Variants in CEP170 observed in about 807,000 individuals in gnomAD.
CEP170 encodes the protein centrosomal protein of 170 kDa.
A neutral mutation model predicts 151.9 loss-of-function variants in CEP170; 21 were observed. That is an observed-to-expected ratio of 0.14 (90% confidence interval 0.10 to 0.20). The LOEUF is 0.20. Ranked by LOEUF, CEP170 falls within the 10% of genes least tolerant of loss-of-function variation. The pLI, the probability that CEP170 is intolerant of heterozygous loss-of-function variation, is 1.00. For synonymous variants in CEP170, 356 were observed against 648.8 expected (o/e 0.55, Z 6.86); for missense variants, 964 against 1,892.9 (o/e 0.51, Z 9.11).
At chr1:243,140,229 A>T (rs2055669809) in intron 15 of CEP170, 122 bp from the exon 16 acceptor site, 4 of 1,385,548 alleles carry the variant, frequency 2.9e-6, no homozygotes, top group Non-Finnish European at 3.8e-6. Flanking sequence ...CAGAGGCACA[A>T]CATCTTCAAT....
intron 16 of CEP170, among the ~76,000 whole-genome samples, chr1:243,136,639 G>T (rs2148254286): frequency 6.6e-6 from 1 of 152,320 alleles, no homozygotes; most frequent in African/African-American, 2.4e-5. Context: ...CAGAAATCAA[G>T]AAGAGTACAA....
chr1:243,163,528 T>C (rs142298533), intron 13 of CEP170, among the ~76,000 whole-genome samples: 3,090 of 152,328 alleles, frequency 0.02, 45 homozygotes, highest in Non-Finnish European at 0.028. Context: ...GGAAAGTAAG[T>C]AGTTTTTGTA....
chr1:243,132,749 G>T (rs2054570540), intron 17 of CEP170, among the ~76,000 whole-genome samples: 1 of 152,170 alleles, frequency 6.6e-6, no homozygotes, highest in Non-Finnish European at 1.5e-5. Flanking sequence ...CTGCTCCGTG[G>T]TAAGGAAGAG....
At chr1:243,131,154 G>GA (rs113985483) in intron 17 of CEP170, among the ~76,000 whole-genome samples, 7 of 148,230 alleles carry the variant, frequency 4.7e-5, no homozygotes, top group African/African-American at 7.4e-5. Flanking sequence ...GGTTGCCCCT[G>GA]AAAAAAAAAT....
chr1:243,145,558 C>G (rs1266488335), intron 14 of CEP170, among the ~76,000 whole-genome samples: 1 of 152,260 alleles, frequency 6.6e-6, no homozygotes, highest in African/African-American at 2.4e-5. Flanking sequence ...CAGGCGTGAG[C>G]CACTACGCCC....
intron 1 of CEP170, among the ~76,000 whole-genome samples, chr1:243,244,002 T>A (rs1393850755): frequency 3.9e-5 from 6 of 152,210 alleles, no homozygotes; most frequent in Non-Finnish European, 8.8e-5. Context: ...GTCTTTTTTT[T>A]AATATAACAG....
At chr1:243,192,674 T>G (rs1406432881) in intron 7 of CEP170, among the ~76,000 whole-genome samples, 1 of 152,236 alleles carries the variant, frequency 6.6e-6, no homozygotes, top group Non-Finnish European at 1.5e-5. Flanking sequence ...AGTGAAGCGT[T>G]TGGTCTTTTG....
chr1:243,240,714 C>CA (rs2064749824), intron 1 of CEP170, among the ~76,000 whole-genome samples: 3 of 150,908 alleles, frequency 2.0e-5, no homozygotes, highest in Admixed American at 2.0e-4. Context: ...ATTTTTGAGA[C>CA]AGAGTTTTTG....
At chr1:243,254,495 C>A (rs2066350196) in intron 1 of CEP170, 2 of 151,406 alleles carry the variant, frequency 1.3e-5, no homozygotes, top group South Asian at 4.3e-4. Context: ...GCCCTCCCAA[C>A]GCGTCCAAAA....
chr1:243,124,616 A>G lies in CEP170; in HGVS notation c.*1833T>C, dbSNP rs1403287840. ...AACACTTAAACAAGAATGTAAGCAG[A>G]GTAGATTCTAGTATTTTCCTAAACT... On this transcript the variant is annotated 3_prime_UTR_variant, in exon 20 of 20. Coordinates refer to ENST00000366542, the MANE Select transcript of CEP170 (RefSeq NM_014812.3). 6.6e-6 allele frequency: 1 copy of G among 152,572 alleles called. No individual in the cohort carries two copies. The highest frequency in any genetic ancestry group is 1.5e-5 in the Non-Finnish European group (1 of 67,984). 9.5% of individuals were successfully genotyped at this position (152,572 alleles called of 1,614,324 possible).
chr1:243,224,514 G>T (rs993683359), intron 2 of CEP170, among the ~76,000 whole-genome samples: 3 of 151,830 alleles, frequency 2.0e-5, no homozygotes, highest in Non-Finnish European at 4.4e-5. Flanking sequence ...ATGAATTTGT[G>T]CTGGGCCGCA....
intron 17 of CEP170, among the ~76,000 whole-genome samples, chr1:243,133,667 T>C (rs2054689711): frequency 6.6e-6 from 1 of 152,150 alleles, no homozygotes; most frequent in African/African-American, 2.4e-5. Flanking sequence ...CAGGGAATGG[T>C]GGACTTCATT....
intron 12 of CEP170, among the ~76,000 whole-genome samples, chr1:243,166,942 A>G (rs185782906): frequency 6.6e-6 from 1 of 152,242 alleles, no homozygotes; most frequent in Non-Finnish European, 1.5e-5. Context: ...GTTATTAACT[A>G]TAGTCATAAT....
chr1:243,168,704 C>T (rs1456322061), intron 12 of CEP170, among the ~76,000 whole-genome samples: 1 of 151,480 alleles, frequency 6.6e-6, no homozygotes, highest in African/African-American at 2.4e-5. Context: ...ACCTTTTGAC[C>T]ATCATCTCCT....
intron 16 of CEP170, among the ~76,000 whole-genome samples, chr1:243,137,276 G>A (rs1414544615): frequency 2.0e-5 from 3 of 152,220 alleles, no homozygotes; most frequent in Non-Finnish European, 4.4e-5. Context: ...CTAGCTGTGG[G>A]TTTCAAAATG....
At chr1:243,152,576 G>C (rs1270849320) in intron 14 of CEP170, among the ~76,000 whole-genome samples, 3 of 110,888 alleles carry the variant, frequency 2.7e-5, no homozygotes, top group Non-Finnish European at 5.1e-5. Flanking sequence ...CTGTCACCCA[G>C]GCTGGAGTGC....
intron 10 of CEP170, among the ~76,000 whole-genome samples, chr1:243,173,209 C>T (rs1385009552): frequency 3.3e-5 from 5 of 151,396 alleles, no homozygotes; most frequent in Admixed American, 1.3e-4. Context: ...TACAGGCATG[C>T]GCAACCATGC....
chr1:243,126,685 C>G lies in CEP170; in HGVS notation c.4519G>C (p.Gly1507Arg). 3 of 1,543,828 alleles carry G rather than the reference C, an allele frequency of 1.9e-6. No homozygotes were observed. Among genetic ancestry groups the G allele is most frequent in the Non-Finnish European group, 2.6e-6 (3 of 1,141,634 alleles). ...GATGGCAACATAGCACTGGGAAATC[C>G]CATGTTGTTCAGAGCCTCCAAAGTT... is the stretch of plus-strand genomic sequence containing the variant. ...DGTLEALNNM[G>R]FPSAMLPSPP... is the part of the protein sequence containing the mutation. The change falls in exon 20 of 20, where the codon GGA (glycine) becomes CGA (arginine). Residue 1507 changes from glycine to arginine, a missense_variant. By Grantham distance (125) the Gly-to-Arg change is moderately radical. Transcript: ENST00000366542.
intron 1 of CEP170, among the ~76,000 whole-genome samples, chr1:243,254,661 C>T (rs1299583999): frequency 1.3e-5 from 2 of 152,202 alleles, no homozygotes; most frequent in Non-Finnish European, 2.9e-5. Context: ...TCGCAAACTG[C>T]TACGGCGGAG....
Sources: allele counts gnomAD v4.1 joint callset (sites outside exome capture counted in the v4.1 genomes callset), GRCh38; gene constraint gnomAD v4.1.1; transcripts MANE v1.5; gene names NCBI Gene and HGNC (gene_info 2026-07-23, HGNC 2026-07-21).